Variants in MIS18BP1 observed in about 807,000 individuals in gnomAD.
MIS18BP1 encodes MIS18 binding protein 1.
In MIS18BP1, 72 loss-of-function variants were observed where a neutral mutation model predicts 116.1. That is an observed-to-expected ratio of 0.62 (90% CI 0.51 to 0.75). The LOEUF (loss-of-function observed/expected upper bound fraction) is 0.75, where lower values mean the gene tolerates loss of function less well. MIS18BP1 is among the 30% of genes least tolerant of loss of function. The probability of loss-of-function intolerance (pLI) is 0.00; values close to 1 mark genes in which losing one functional copy is unlikely to be tolerated. For synonymous variants in MIS18BP1, 386 were observed against 427.0 expected (o/e 0.90, Z 1.18); for missense variants, 1,363 against 1,303.2 (o/e 1.05, Z -0.71).
intron 8 of MIS18BP1, 114 bp from the exon 9 acceptor site, chr14:45,227,928 G>A: frequency 9.3e-7 from 1 of 1,070,824 alleles, no homozygotes; most frequent in South Asian, 1.5e-5. Flanking sequence ...TGTAATCCCA[G>A]CACTCTGGGA....
chr14:45,218,143 T>C, intron 12 of MIS18BP1, 139 bp downstream of exon 12: 1 of 953,886 alleles, frequency 1.0e-6, no homozygotes, highest in Non-Finnish European at 1.5e-6. Context: ...AAACAGATGA[T>C]TTCTGAAATT....
chr14:45,237,012 C>CTTTTTTTTT (rs11329365), intron 5 of MIS18BP1, among the ~76,000 whole-genome samples: 1 of 136,994 alleles, frequency 7.3e-6, no homozygotes, highest in Non-Finnish European at 1.6e-5. Context: ...ACAGTTATAA[C>CTTTTTTTTT]TTTTTTTTTT....
intron 9 of MIS18BP1, 81 bp downstream of exon 9, chr14:45,227,582 G>A: frequency 1.7e-6 from 2 of 1,143,802 alleles, no homozygotes; most frequent in Non-Finnish European, 2.5e-6. Flanking sequence ...TCACGTCCCT[G>A]ATATGGTCCC....
At chr14:45,204,676 C>G (rs1716731510) in intron 15 of MIS18BP1, among the ~76,000 whole-genome samples, 1 of 152,016 alleles carries the variant, frequency 6.6e-6, no homozygotes, top group Non-Finnish European at 1.5e-5. Context: ...CTGGCAAACA[C>G]TCCTCTAAGA....
chr14:45,244,274 C>T (rs1594527593), intron 2 of MIS18BP1, among the ~76,000 whole-genome samples: 1 of 152,106 alleles, frequency 6.6e-6, no homozygotes, highest in Non-Finnish European at 1.5e-5. Context: ...CCCATGTGTT[C>T]GTTGAAAGGA....
intron 1 of MIS18BP1, among the ~76,000 whole-genome samples, 177 bp downstream of exon 1, chr14:45,252,857 AG>A (rs1891917519): frequency 6.6e-6 from 1 of 152,224 alleles, no homozygotes; most frequent in Non-Finnish European, 1.5e-5. Context: ...TACTCTCTTA[AG>A]TACAGTAGAC....
In MIS18BP1 at chr14:45,235,891, T is replaced by C. The variant is rs1227847493; in HGVS notation, c.1271A>G (p.His424Arg). 12 of 1,611,762 alleles carry C rather than the reference T, an allele frequency of 7.4e-6. No individual in the cohort carries two copies. Among genetic ancestry groups the C allele is most frequent in the African/African-American group, 2.7e-5 (2 of 74,850 alleles). ...GCCTGATATAGTCCTAAGTTTGTTG[T>C]GCTCAATCCGCTCTATAATTACATT... ...HSNVIIERIE[H>R]NKLRTISGNV... Residue 424 changes from histidine to arginine, a missense_variant, in exon 6 of 17, where the codon CAC (histidine) becomes CGC (arginine). Physicochemically the swap from His to Arg is conservative, Grantham distance 29. Transcript: ENST00000310806.
intron 14 of MIS18BP1, 27 bp from the exon 15 acceptor site, chr14:45,206,197 TCAA>T (rs1486568240): frequency 6.8e-7 from 1 of 1,477,874 alleles, no homozygotes; most frequent in Non-Finnish European, 9.4e-7. Context: ...TAATTTTAAG[TCAA>T]CAATATTTTT....
At chr14:45,204,931 C>G (rs899365101) in intron 15 of MIS18BP1, among the ~76,000 whole-genome samples, 2 of 151,990 alleles carry the variant, frequency 1.3e-5, no homozygotes, top group African/African-American at 4.8e-5. Context: ...GTTATTATAA[C>G]AGTACAATGT....
At chr14:45,244,280 A>G (rs1891668816) in intron 2 of MIS18BP1, among the ~76,000 whole-genome samples, 1 of 152,210 alleles carries the variant, frequency 6.6e-6, no homozygotes, top group Admixed American at 6.5e-5. Context: ...TGTTCGTTGA[A>G]AGGATTAAAA....
intron 8 of MIS18BP1, 41 bp downstream of exon 8, chr14:45,231,100 C>G (rs1234417290): frequency 6.3e-7 from 1 of 1,593,348 alleles, no homozygotes; most frequent in Admixed American, 1.7e-5. Flanking sequence ...CATGTAAGAA[C>G]TTAACCACTG....
chr14:45,242,266 G>A lies in MIS18BP1; in HGVS notation c.911C>T (p.Ser304Phe), dbSNP rs776104640. 31 of 1,613,966 alleles carry A rather than the reference G, an allele frequency of 1.9e-5. No individual in the cohort carries two copies. Among genetic ancestry groups the A allele is most frequent in the Non-Finnish European group, 2.5e-5 (30 of 1,179,972 alleles). Residue 304 changes from serine (S) to phenylalanine (F), a missense_variant, in exon 4 of 17, where the codon TCT becomes TTT. Physicochemically the swap from Ser to Phe is radical, Grantham distance 155. Coordinates refer to ENST00000310806, the MANE Select transcript of MIS18BP1 (RefSeq NM_018353.5). ...CCCTTCTGTTGTCCTCTCACTATCA[G>A]AAACCATTAACAGGCTGCCATTTTT... ...PIKNGSLLMV[S>F]DSERTTEGTS...
chr14:45,210,856 T>C (rs1370062882), intron 13 of MIS18BP1, among the ~76,000 whole-genome samples: 1 of 152,178 alleles, frequency 6.6e-6, no homozygotes, highest in Non-Finnish European at 1.5e-5. Flanking sequence ...CTTAGGCAAA[T>C]TCCCTATGGT....
rs774164911 is a variant in MIS18BP1, at chr14:45,246,989, C to A, written c.298G>T (p.Asp100Tyr). The stretch of plus-strand genomic sequence containing the variant: ...TAGTTTGCTTTATTTTTTAATCCAT[C>A]CTTGTTGGGCTTTATAGCACTGATA... Reference protein sequence around the residue: ...LDISAIKPNKDGLKNKANYES... With the variant: ...LDISAIKPNKYGLKNKANYES... The change falls in exon 2 of 17, where the codon GAT (aspartate) becomes TAT (tyrosine). Residue 100 changes from aspartate (D) to tyrosine (Y), a missense_variant. Transcript: ENST00000310806. 1.4e-5 allele frequency: 22 copies of A among 1,612,044 alleles called. No homozygotes were observed. In the South Asian group the frequency reaches 2.4e-4, roughly 18 times the overall value.
rs1266209 is a variant in MIS18BP1 at position 45,242,391 on chromosome 14, T to C, written c.786A>G (p.Lys262=). 223,640 of 1,613,700 alleles carry C rather than the reference T, an allele frequency of 0.14. 23,214 individuals carry two copies. Among genetic ancestry groups the C allele is most frequent in the African/African-American group, 0.55 (41,149 of 74,894 alleles). The part of the protein sequence containing the change: ...HSKESIVATT[K]SKKDTFVLES... ...CTAAAACAAACGTGTCCTTTTTGGA[T>C]TTAGTGGTTGCAACTATACTCTCCT... is the stretch of plus-strand genomic sequence containing the variant. Residue 262 remains lysine, a synonymous_variant, in exon 4 of 17, where the codon AAA becomes AAG. Transcript: ENST00000310806.
intron 1 of MIS18BP1, among the ~76,000 whole-genome samples, chr14:45,248,612 CA>C (rs1232189466): frequency 2.0e-5 from 3 of 151,370 alleles, no homozygotes; most frequent in Non-Finnish European, 4.4e-5. Flanking sequence ...ATAGCCAGAC[CA>C]AAAAATATCA....
rs887576150 is a variant in MIS18BP1 at position 45,246,910 on chromosome 14, T to C, written c.377A>G (p.Lys126Arg). 2 of 1,609,202 alleles carry C rather than the reference T, an allele frequency of 1.2e-6. No individual in the cohort carries two copies. The highest frequency in any genetic ancestry group is 1.7e-4 in the Middle Eastern group (1 of 6,026). Residue 126 changes from lysine (K) to arginine (R), a missense_variant, in exon 2 of 17, where the codon AAG becomes AGG. By Grantham distance (26) the Lys-to-Arg change is conservative. Transcript: ENST00000310806. The stretch of plus-strand genomic sequence containing the variant: ...ACTGTTTCTTGATGGCTGTTCTTGC[T>C]TGTCACGCAGTACTTTTTCTTTCAT... ...LRMKEKVLRD[K>R]QEQPSRNSSL...
At chr14:45,231,110 G>A in intron 8 of MIS18BP1, 31 bp downstream of exon 8, 1 of 1,604,790 alleles carries the variant, frequency 6.2e-7, no homozygotes, top group Non-Finnish European at 8.5e-7. Context: ...CTTAACCACT[G>A]TACCAACAGA....
intron 1 of MIS18BP1, among the ~76,000 whole-genome samples, chr14:45,251,901 T>G (rs1891884366): frequency 6.6e-6 from 1 of 152,218 alleles, no homozygotes; most frequent in Non-Finnish European, 1.5e-5. Flanking sequence ...ACACGGAAAT[T>G]CCACTTCTAA....
Sources: allele counts gnomAD v4.1 joint callset (sites outside exome capture counted in the v4.1 genomes callset), GRCh38; gene constraint gnomAD v4.1.1; transcripts MANE v1.5; gene names NCBI Gene and HGNC (gene_info 2026-07-23, HGNC 2026-07-21).